Variants in SNX3 observed in about 807,000 individuals in gnomAD.
SNX3 encodes the protein sorting nexin 3, also known as sorting nexin-3.
SNX3 carries 5 observed loss-of-function variants against 17.7 expected under a neutral mutation model. That is an observed-to-expected ratio of 0.28 (90% CI 0.15 to 0.59). The LOEUF (loss-of-function observed/expected upper bound fraction) is 0.59, where lower values mean the gene tolerates loss of function less well. Ranked by LOEUF, SNX3 falls within the 20% of genes least tolerant of loss-of-function variation. The probability of loss-of-function intolerance (pLI) is 0.88; values close to 1 mark genes in which losing one functional copy is unlikely to be tolerated. For synonymous variants in SNX3, 91 were observed against 76.5 expected, an observed-to-expected ratio of 1.19 and a Z score of -0.99; for missense variants, 132 against 206.8, an observed-to-expected ratio of 0.64 and a Z score of 2.22.
At chr6:108,234,582 G>A (rs938701071) in intron 1 of SNX3, among the ~76,000 whole-genome samples, 3 of 152,194 alleles carry the variant, frequency 2.0e-5, no homozygotes, top group Admixed American at 2.0e-4. Context: ...ACATATACAT[G>A]TGAATATATT....
At chr6:108,224,367 G>GC (rs1171569142) in intron 1 of SNX3, among the ~76,000 whole-genome samples, 2 of 152,012 alleles carry the variant, frequency 1.3e-5, no homozygotes, top group Admixed American at 1.3e-4. Context: ...TGAGATCTCC[G>GC]CCGCCTGGGT....
chr6:108,238,101 C>CAAAAAAAAAAAAA (rs11287104), intron 1 of SNX3, among the ~76,000 whole-genome samples: 6 of 85,432 alleles, frequency 7.0e-5, no homozygotes, highest in African/African-American at 2.9e-4. Context: ...GATCCTGTCT[C>CAAAAAAAAAAAAA]AAAAAAAAAA....
chr6:108,223,389 C>T (rs1238601534), intron 1 of SNX3, among the ~76,000 whole-genome samples: 1 of 151,992 alleles, frequency 6.6e-6, no homozygotes, highest in Non-Finnish European at 1.5e-5. Context: ...CCGCCCGCCT[C>T]GGCCTCCCAA....
At chr6:108,260,221 C>G (rs1444278782) in intron 1 of SNX3, among the ~76,000 whole-genome samples, 3 of 152,294 alleles carry the variant, frequency 2.0e-5, no homozygotes, top group African/African-American at 7.2e-5. Context: ...TCTGGTCTGG[C>G]TCAGCCCTAT....
intron 2 of SNX3, among the ~76,000 whole-genome samples, chr6:108,218,299 T>C (rs1431429407): frequency 6.6e-6 from 1 of 152,148 alleles, no homozygotes; most frequent in Non-Finnish European, 1.5e-5. Context: ...TCAACATTAG[T>C]GGCCATTAGA....
At chr6:108,226,571 G>T (rs932922423) in intron 1 of SNX3, among the ~76,000 whole-genome samples, 1 of 152,104 alleles carries the variant, frequency 6.6e-6, no homozygotes, top group African/African-American at 2.4e-5. Flanking sequence ...TTTACAATTG[G>T]AAGAAAAAAG....
intron 2 of SNX3, among the ~76,000 whole-genome samples, chr6:108,219,234 T>C (rs1048801746): frequency 2.0e-5 from 3 of 151,908 alleles, no homozygotes; most frequent in Middle Eastern, 3.4e-3. Context: ...AAAAGCAAAA[T>C]ATACACTCAG....
intron 1 of SNX3, among the ~76,000 whole-genome samples, chr6:108,254,519 T>C (rs1189509474): frequency 6.6e-6 from 1 of 152,114 alleles, no homozygotes; most frequent in Non-Finnish European, 1.5e-5. Flanking sequence ...AATCCCAGTT[T>C]TACCATTTAA....
intron 1 of SNX3, among the ~76,000 whole-genome samples, chr6:108,234,204 G>C (rs182649711): frequency 1.3e-5 from 2 of 151,342 alleles, no homozygotes; most frequent in Admixed American, 1.3e-4. Flanking sequence ...ACCAGTATTT[G>C]AGTAATCAAG....
chr6:108,230,041 T>C (rs1775092256), intron 1 of SNX3, among the ~76,000 whole-genome samples: 1 of 151,888 alleles, frequency 6.6e-6, no homozygotes, highest in Non-Finnish European at 1.5e-5. Flanking sequence ...TTTATCTGCT[T>C]TGAAATGTAT....
Position 108,260,929 on chromosome 6 carries a change from T to G in SNX3, c.-8A>C. The G allele has an allele frequency of 6.4e-7, 1 of 1,566,060 alleles. No homozygotes were observed. Among genetic ancestry groups the G allele is most frequent in the Non-Finnish European group, 8.6e-7 (1 of 1,157,076 alleles). Reference sequence around the variant, plus strand: ...AGCCACGGTCTCCGCCATTTCGCTGTAGCTGCTGCCGCCGCCGCGGGCTCC... The same window carrying G: ...AGCCACGGTCTCCGCCATTTCGCTGGAGCTGCTGCCGCCGCCGCGGGCTCC... On this transcript the variant is annotated 5_prime_UTR_variant, in exon 1 of 4. Coordinates refer to ENST00000230085, the MANE Select transcript of SNX3 (RefSeq NM_003795.6).
At chr6:108,226,305 T>A (rs888599561) in intron 1 of SNX3, among the ~76,000 whole-genome samples, 1 of 152,082 alleles carries the variant, frequency 6.6e-6, no homozygotes, top group African/African-American at 2.4e-5. Context: ...AACTCCTGAG[T>A]ACACGCAATC....
chr6:108,260,681 G>A (rs1361802395), intron 1 of SNX3, 79 bp downstream of exon 1: 4 of 1,536,086 alleles, frequency 2.6e-6, no homozygotes, highest in African/African-American at 1.4e-5. Flanking sequence ...GCTGCCCGCG[G>A]GGGTCCACTC....
At chr6:108,242,029 C>A (rs1775536900) in intron 1 of SNX3, among the ~76,000 whole-genome samples, 1 of 152,074 alleles carries the variant, frequency 6.6e-6, no homozygotes, top group South Asian at 2.1e-4. Flanking sequence ...ACCTCTACAG[C>A]TGAAAAGTAT....
chr6:108,237,416 G>A (rs887094475), intron 1 of SNX3, among the ~76,000 whole-genome samples: 3 of 152,112 alleles, frequency 2.0e-5, no homozygotes, highest in African/African-American at 4.8e-5. Flanking sequence ...TATAAATATT[G>A]ATTATGGCAG....
At chr6:108,258,166 A>G (rs1776084839) in intron 1 of SNX3, among the ~76,000 whole-genome samples, 1 of 152,106 alleles carries the variant, frequency 6.6e-6, no homozygotes, top group South Asian at 2.1e-4. Flanking sequence ...TTCTTAAAAA[A>G]GATTATTTTC....
intron 1 of SNX3, among the ~76,000 whole-genome samples, chr6:108,240,800 T>C (rs1489463584): frequency 2.0e-5 from 3 of 152,094 alleles, no homozygotes; most frequent in Non-Finnish European, 4.4e-5. Context: ...AAGAATTACA[T>C]AGCCATGGTG....
intron 1 of SNX3, among the ~76,000 whole-genome samples, chr6:108,245,756 A>C (rs150948800): frequency 3.0e-4 from 46 of 152,344 alleles, no homozygotes; most frequent in South Asian, 4.1e-4. Flanking sequence ...TCTTCTTTTG[A>C]GAAGTGTCTG....
At chr6:108,250,461 T>C (rs1775818950) in intron 1 of SNX3, among the ~76,000 whole-genome samples, 1 of 152,204 alleles carries the variant, frequency 6.6e-6, no homozygotes, top group Non-Finnish European at 1.5e-5. Context: ...TGCCAACCCT[T>C]GCTCTATTTA....
Sources: gnomAD v4.1 joint callset for allele counts (sites outside exome capture counted in the v4.1 genomes callset) on GRCh38, gnomAD v4.1.1 for gene constraint, MANE v1.5 for transcripts, NCBI Gene and HGNC (gene_info 2026-07-23, HGNC 2026-07-21) for gene names.